PSD3: variants seen among roughly 807,000 people sequenced by gnomAD.
PSD3 encodes the protein PH and SEC7 domain-containing protein 3.
In PSD3, 49 loss-of-function variants were observed where a neutral mutation model predicts 105.5. The ratio of observed to expected loss-of-function variants is 0.46; its 90% CI spans 0.37 to 0.59. The LOEUF is 0.59. Ranked by LOEUF, PSD3 falls within the 20% of genes least tolerant of loss-of-function variation. PSD3 has a pLI of 0.00. For synonymous variants in PSD3, 557 were observed against 457.8 expected (o/e 1.22, Z -2.77); for missense variants, 1,561 against 1,263.8 (o/e 1.24, Z -3.57).
intron 4 of PSD3, among the ~76,000 whole-genome samples, chr8:18,838,583 T>G (rs532705173): frequency 6.6e-6 from 1 of 151,828 alleles, no homozygotes; most frequent in Non-Finnish European, 1.5e-5. Flanking sequence ...GGGCGGATCA[T>G]GAGGTCAGGA....
At chr8:19,083,990 T>C (rs113966622) in intron 1 of PSD3, among the ~76,000 whole-genome samples, 7 of 152,204 alleles carry the variant, frequency 4.6e-5, no homozygotes, top group African/African-American at 1.7e-4. Context: ...ATCCTTGCCT[T>C]CTTCCAAACA....
At chr8:18,641,415 G>A (rs1376150183) in intron 10 of PSD3, among the ~76,000 whole-genome samples, 1 of 152,058 alleles carries the variant, frequency 6.6e-6, no homozygotes, top group Non-Finnish European at 1.5e-5. Flanking sequence ...CATCCAGTAG[G>A]GGAAACAGAT....
intron 8 of PSD3, among the ~76,000 whole-genome samples, chr8:18,790,018 A>G (rs1192797199): frequency 2.6e-5 from 4 of 152,252 alleles, no homozygotes; most frequent in African/African-American, 9.6e-5. Flanking sequence ...GGTATTTTCC[A>G]TATATAAACC....
At position 18,530,869 on chromosome 8, in the gene PSD3, ATTTGAG is replaced by A. The variant is rs1175895819; in HGVS notation, c.*4868_*4873del. The A allele has an allele frequency of 1.3e-5, 2 of 152,182 alleles. No individual in the cohort carries two copies. Among genetic ancestry groups the A allele is most frequent in the Middle Eastern group, 3.2e-3 (1 of 316 alleles). The allele number at this position is 152,182 out of a possible 1,614,324, so 9.4% of individuals were successfully genotyped here. On this transcript the variant is annotated 3_prime_UTR_variant, in exon 16 of 16. Transcript: ENST00000327040. ...TATTAAAAATTTTAATCAAAATATT[ATTTGAG>A]TTTAAGTTTAATAAAACAATACCAC... is the stretch of plus-strand genomic sequence containing the variant.
chr8:18,698,433 C>T (rs1801385841), intron 9 of PSD3, among the ~76,000 whole-genome samples: 1 of 151,978 alleles, frequency 6.6e-6, no homozygotes. Flanking sequence ...AGCGTTCTTA[C>T]AAAAGAGGTT....
intron 9 of PSD3, among the ~76,000 whole-genome samples, chr8:18,712,732 C>T (rs950457839): frequency 2.6e-5 from 4 of 152,056 alleles, no homozygotes; most frequent in East Asian, 1.9e-4. Context: ...CCATTTCATG[C>T]GAAACTATTC....
chr8:18,763,791 G>A (rs183213132), intron 9 of PSD3, among the ~76,000 whole-genome samples: 372 of 152,152 alleles, frequency 2.4e-3, no homozygotes, highest in Non-Finnish European at 3.7e-3. Context: ...GTGGGTGAGC[G>A]GCTGGGGTTT....
intron 2 of PSD3, among the ~76,000 whole-genome samples, chr8:18,879,139 G>A (rs960499965): frequency 6.6e-6 from 1 of 151,176 alleles, no homozygotes; most frequent in South Asian, 2.1e-4. Context: ...AGATATCAAG[G>A]GGCCTCAGAG....
chr8:18,716,690 T>C (rs1170087309), intron 9 of PSD3, among the ~76,000 whole-genome samples: 1 of 152,212 alleles, frequency 6.6e-6, no homozygotes, highest in African/African-American at 2.4e-5. Context: ...AGGAATAACA[T>C]GTTCTGAATA....
chr8:18,976,354 C>A (rs958638002), intron 1 of PSD3, among the ~76,000 whole-genome samples: 6 of 152,098 alleles, frequency 3.9e-5, no homozygotes, highest in African/African-American at 1.4e-4. Flanking sequence ...CTATTTTTCA[C>A]CAATTAAAAA....
chr8:18,589,146 A>G (rs1335237647), intron 12 of PSD3, among the ~76,000 whole-genome samples: 1 of 152,204 alleles, frequency 6.6e-6, no homozygotes, highest in East Asian at 1.9e-4. Context: ...ATGTACACAC[A>G]TGCTGATCTG....
chr8:19,079,050 G>A (rs1829556878), intron 1 of PSD3, among the ~76,000 whole-genome samples: 1 of 151,952 alleles, frequency 6.6e-6, no homozygotes, highest in Non-Finnish European at 1.5e-5. Flanking sequence ...TCCTATAGGT[G>A]GATCCAGATG....
At chr8:18,805,307 A>G (rs1471718751) in intron 4 of PSD3, among the ~76,000 whole-genome samples, 1 of 152,156 alleles carries the variant, frequency 6.6e-6, no homozygotes, top group Non-Finnish European at 1.5e-5. Flanking sequence ...ACTAAAATTC[A>G]CTGTTTTTTT....
chr8:18,563,993 A>G (rs1443079234), intron 14 of PSD3, among the ~76,000 whole-genome samples: 1 of 152,180 alleles, frequency 6.6e-6, no homozygotes. Context: ...GTATTGAGAT[A>G]CAATTCACAT....
At chr8:18,590,581 A>G (rs1282463175) in intron 12 of PSD3, among the ~76,000 whole-genome samples, 1 of 152,186 alleles carries the variant, frequency 6.6e-6, no homozygotes, top group South Asian at 2.1e-4. Context: ...TGTTTTCAGA[A>G]CTGTAAACAG....
chr8:18,952,858 G>A (rs145984972), intron 1 of PSD3, among the ~76,000 whole-genome samples: 52 of 152,234 alleles, frequency 3.4e-4, no homozygotes, highest in Admixed American at 7.8e-4. Context: ...TTGAGGAGAC[G>A]AGGTGATGGC....
chr8:19,002,704 T>C (rs962926622), intron 1 of PSD3, among the ~76,000 whole-genome samples: 3 of 152,146 alleles, frequency 2.0e-5, no homozygotes, highest in African/African-American at 4.8e-5. Flanking sequence ...ATAGTTGTTA[T>C]ACTACATGAA....
chr8:18,567,479 G>C (rs569374754), intron 14 of PSD3, among the ~76,000 whole-genome samples: 45 of 152,270 alleles, frequency 3.0e-4, no homozygotes, highest in Non-Finnish European at 5.1e-4. Flanking sequence ...ATCAGTAAGA[G>C]CATTCCTTTT....
intron 11 of PSD3, among the ~76,000 whole-genome samples, chr8:18,628,085 A>G (rs931012453): frequency 2.0e-5 from 3 of 152,030 alleles, no homozygotes; most frequent in Admixed American, 2.0e-4. Flanking sequence ...AAGTACTGAA[A>G]TGACAAAGAG....
Sources: gnomAD v4.1 joint callset for allele counts (sites outside exome capture counted in the v4.1 genomes callset) on GRCh38, gnomAD v4.1.1 for gene constraint, MANE v1.5 for transcripts, NCBI Gene and HGNC (gene_info 2026-07-23, HGNC 2026-07-21) for gene names.